Variants in ATP4A observed in about 807,000 individuals in gnomAD.
ATP4A encodes potassium-transporting ATPase alpha chain 1.
In ATP4A, 73 loss-of-function variants were observed where a neutral mutation model predicts 112.1. The ratio of observed to expected loss-of-function variants is 0.65; its 90% CI spans 0.54 to 0.79. The LOEUF (loss-of-function observed/expected upper bound fraction) is 0.79, where lower values mean the gene tolerates loss of function less well. Among genes scored for constraint, ATP4A ranks in the 30% least tolerant of loss-of-function variants. The probability of loss-of-function intolerance (pLI) is 0.00; values close to 1 mark genes in which losing one functional copy is unlikely to be tolerated. For synonymous variants in ATP4A, 588 were observed against 588.9 expected, an observed-to-expected ratio of 1.00 and a Z score of 0.02; for missense variants, 1,081 against 1,425.9, an observed-to-expected ratio of 0.76 and a Z score of 3.90.
intron 2 of ATP4A, 55 bp from the exon 3 acceptor site, chr19:35,563,323 C>T (rs1249763464): frequency 8.1e-6 from 13 of 1,613,340 alleles, no homozygotes; most frequent in African/African-American, 2.7e-5. Flanking sequence ...GCCCCCTCCC[C>T]GCCCACTGCC....
Position 35,554,990 on chromosome 19 carries a change from T to C in ATP4A, c.2413A>G (p.Ile805Val). The C allele has an allele frequency of 6.2e-7, 1 of 1,614,086 alleles. No homozygotes were observed. The highest frequency in any genetic ancestry group is 8.5e-7 in the Non-Finnish European group (1 of 1,180,012). The change falls in exon 16 of 22, where the codon ATC becomes GTC. Residue 805 changes from isoleucine (I) to valine (V), a missense_variant. By Grantham distance (29) the Ile-to-Val change is conservative. Coordinates refer to ENST00000262623, the MANE Select transcript of ATP4A (RefSeq NM_000704.3). ...IPELTPYLIY[I>V]TVSVPLPLGC... ...AGGGGCAGGGGCACGCTGACGGTGA[T>C]GTAGATGAGGTAGGGTGTCAGCTCT...
At chr19:35,552,919 G>A (rs188954996) in intron 18 of ATP4A, 118 bp downstream of exon 18, 2 of 1,338,440 alleles carry the variant, frequency 1.5e-6, no homozygotes, top group East Asian at 5.1e-5. Context: ...GAGTCTGGGG[G>A]TCCGGGATGC....
Position 35,555,501 on chromosome 19 carries a change from A to C in ATP4A, c.2096T>G (p.Met699Arg). The C allele has an allele frequency of 2.5e-6, 4 of 1,608,618 alleles. No homozygotes were observed. The highest frequency in any genetic ancestry group is 3.4e-6 in the Non-Finnish European group (4 of 1,176,678). ...CTGGGGGCTGGTGCGCGCAAACACC[A>C]TCTCGGGGTGGGTGCGCAGGGCCTC... ...LVEALRTHPEMVFARTSPQQK... is the reference protein window; with the variant it reads ...LVEALRTHPERVFARTSPQQK... Residue 699 changes from methionine (M) to arginine (R), a missense_variant, in exon 14 of 22, where the codon ATG becomes AGG. Coordinates refer to ENST00000262623, the MANE Select transcript of ATP4A (RefSeq NM_000704.3). This position sits in a 1 kb window ranked among gnomAD's most constrained non-coding sequence, Gnocchi z 6.6.
Position 35,551,324 on chromosome 19 carries a change from TGGCA to T in ATP4A, c.2885+119_2885+122del. The T allele has an allele frequency of 6.7e-7, 1 of 1,493,208 alleles. No homozygotes were observed. The highest frequency in any genetic ancestry group is 1.9e-5 in the Admixed American group (1 of 52,942). 92.5% of individuals were successfully genotyped at this position (1,493,208 alleles called of 1,614,324 possible). A position where few individuals can be genotyped will look rare whatever the true frequency, so the allele number is the denominator to read the frequency against. On this transcript the variant is annotated intron_variant, in intron 19 of 21. Transcript: ENST00000262623. This position sits in a 1 kb window ranked among gnomAD's most constrained non-coding sequence, Gnocchi z 5.2. ...TATTGGCCAGTTAGAAAGGTTTTTT[TGGCA>T]TGTCACCATCTGGCACTGGCACCCG... is the stretch of plus-strand genomic sequence containing the variant.
intron 3 of ATP4A, among the ~76,000 whole-genome samples, chr19:35,562,898 G>A (rs1464472014): frequency 6.7e-6 from 1 of 148,150 alleles, no homozygotes; most frequent in African/African-American, 2.5e-5. Flanking sequence ...TCTCTGTCTT[G>A]CTGTCTCTTT....
Position 35,560,190 on chromosome 19 carries a change from A to T in ATP4A, c.788-117T>A. ...TGGAGGATGTGACCTGGGAGAGGGT[A>T]GTGACAGTGGGAGACAGAGAAGCAG... On this transcript the variant is annotated intron_variant, in intron 6 of 21. Transcript: ENST00000262623. The surrounding 1 kb of genome is among the most constrained non-coding windows in gnomAD (Gnocchi z 5.1). 1.3e-6 allele frequency: 2 copies of T among 1,530,646 alleles called. No individual in the cohort carries two copies. The highest frequency in any genetic ancestry group is 1.8e-6 in the Non-Finnish European group (2 of 1,128,892). The allele number at this position is 1,530,646 out of a possible 1,614,324, so 94.8% of individuals were successfully genotyped here.
chr19:35,557,661 C>T lies in ATP4A; in HGVS notation c.1687G>A (p.Val563Met), dbSNP rs1279081161. Residue 563 changes from valine to methionine, a missense_variant, in exon 11 of 22, where the codon GTG becomes ATG. Coordinates refer to ENST00000262623, the MANE Select transcript of ATP4A (RefSeq NM_000704.3). This position sits in a 1 kb window ranked among gnomAD's most constrained non-coding sequence, Gnocchi z 4.4. ...CCCTGCCCAGGGGTCTCACCGAGCA[C>T]GCGTTCGCCCAGGCCTCCCAGGCTG... is the stretch of plus-strand genomic sequence containing the variant. ...YLSLGGLGER[V>M]LGFCQLYLNE... The T allele has an allele frequency of 1.2e-6, 2 of 1,606,212 alleles. No homozygotes were observed. Among genetic ancestry groups the T allele is most frequent in the African/African-American group, 1.3e-5 (1 of 74,798 alleles).
Position 35,550,586 on chromosome 19 carries a change from T to C in ATP4A, c.*29A>G. 6.2e-7 allele frequency: 1 copy of C among 1,613,392 alleles called. No individual in the cohort carries two copies. The highest frequency in any genetic ancestry group is 8.5e-7 in the Non-Finnish European group (1 of 1,179,484). ...CCCTGCCCCCACCTGCTGTGGCAGT[T>C]GCAGGGATGCTTGAAGGCAGTCGTC... is the stretch of plus-strand genomic sequence containing the variant. On this transcript the variant is annotated 3_prime_UTR_variant, in exon 22 of 22. Coordinates refer to ENST00000262623, the MANE Select transcript of ATP4A (RefSeq NM_000704.3). This position sits in a 1 kb window ranked among gnomAD's most constrained non-coding sequence, Gnocchi z 4.1.
rs778926439 is a variant in ATP4A at position 35,560,910 on chromosome 19, A to G, written c.443T>C (p.Ile148Thr). The change falls in exon 5 of 22, where the codon ATT becomes ACT. Residue 148 changes from isoleucine to threonine, a missense_variant. This residue lies in a region of ATP4A where 850 missense variants were observed against 1,068.2 expected (regional missense o/e 0.80). Coordinates refer to ENST00000262623, the MANE Select transcript of ATP4A (RefSeq NM_000704.3). The surrounding 1 kb of genome is among the most constrained non-coding windows in gnomAD (Gnocchi z 5.1). The stretch of plus-strand genomic sequence containing the variant: ...GCAGCCGGTGACGACAACCACAGCA[A>G]TGAGAGCGATTGCCAGGTACAGCTG... ...DDNLYLAIAL[I>T]AVVVVTGCFG... 71 of 1,613,840 alleles carry G rather than the reference A, an allele frequency of 4.4e-5. No homozygotes were observed. Among genetic ancestry groups the G allele is most frequent in the Middle Eastern group, 3.3e-4 (2 of 6,080 alleles).
At position 35,551,471 on chromosome 19, in the gene ATP4A, G is replaced by C; in HGVS notation, c.2861C>G (p.Ser954Cys). 1 of 1,614,170 alleles carries C rather than the reference G, an allele frequency of 6.2e-7. No individual in the cohort carries two copies. Among genetic ancestry groups the C allele is most frequent in the Non-Finnish European group, 8.5e-7 (1 of 1,180,020 alleles). ...DVLIRKTRRL[S>C]AFQQGFFRNK... ...CCTGAAGAAGCCTTGCTGGAAGGCA[G>C]AGAGACGGCGCGTCTTGCGGATGAG... is the stretch of plus-strand genomic sequence containing the variant. The change falls in exon 19 of 22, where the codon TCT becomes TGT. Residue 954 changes from serine (S) to cysteine (C), a missense_variant. Physicochemically the swap from Ser to Cys is moderately radical, Grantham distance 112 (BLOSUM62 -1). Transcript: ENST00000262623. The surrounding 1 kb of genome is among the most constrained non-coding windows in gnomAD (Gnocchi z 5.2).
rs533814673 is a variant in ATP4A, at chr19:35,561,048, C to G, written c.421-116G>C. The G allele has an allele frequency of 3.7e-6, 3 of 808,988 alleles. No homozygotes were observed. In the African/African-American group the frequency reaches 5.1e-5, roughly 14 times the overall value. The allele number at this position is 808,988 out of a possible 1,614,324, so 50.1% of individuals were successfully genotyped here. ...TGGTTTTCCCCATGCTTTTCCCCAC[C>G]TACTAGGAAGCTCCATGCACCATTC... On this transcript the variant is annotated intron_variant, in intron 4 of 21. Coordinates refer to ENST00000262623, the MANE Select transcript of ATP4A (RefSeq NM_000704.3).
In ATP4A at chr19:35,550,467, T is replaced by G. The variant is rs2146304979; in HGVS notation, c.*148A>C. The G allele has an allele frequency of 2.9e-6, 3 of 1,048,886 alleles. No homozygotes were observed. Among genetic ancestry groups the G allele is most frequent in the Non-Finnish European group, 4.2e-6 (3 of 720,840 alleles). The allele number at this position is 1,048,886 out of a possible 1,614,324, so 65.0% of individuals were successfully genotyped here. Reference sequence around the variant, plus strand: ...AGGGGAGTGGGCAGGTCCCTCCAAGTTTGGGGTGCCGTGGGCTACAGAAGC... The same window carrying G: ...AGGGGAGTGGGCAGGTCCCTCCAAGGTTGGGGTGCCGTGGGCTACAGAAGC... On this transcript the variant is annotated 3_prime_UTR_variant, in exon 22 of 22. Transcript: ENST00000262623. This position sits in a 1 kb window ranked among gnomAD's most constrained non-coding sequence, Gnocchi z 4.1.
rs151252026 is a variant in ATP4A, at chr19:35,561,795, C to T, written c.420+640G>A. On this transcript the variant is annotated intron_variant, in intron 4 of 21. Transcript: ENST00000262623. ...TCCCAGGGTCTCCTATTCCCCGTGC[C>T]TCAGTCTGTCCTGTGTCTGCACTGC... is the stretch of plus-strand genomic sequence containing the variant. Among the ~76,000 whole-genome samples, 1,015 of 151,582 alleles carry T rather than the reference C, an allele frequency of 6.7e-3. 13 individuals carry two copies. The highest frequency in any genetic ancestry group is 0.023 in the African/African-American group (961 of 41,274).
At position 35,555,767 on chromosome 19, in the gene ATP4A, C is replaced by T. The variant is rs2071628189; in HGVS notation, c.1915G>A (p.Ala639Thr). 6.2e-7 allele frequency: 1 copy of T among 1,613,900 alleles called. No individual in the cohort carries two copies. Among genetic ancestry groups the T allele is most frequent in the Non-Finnish European group, 8.5e-7 (1 of 1,179,794 alleles). Residue 639 changes from alanine (A) to threonine (T), a missense_variant, in exon 13 of 22, where the codon GCA (alanine) becomes ACA (threonine). By Grantham distance (58) the Ala-to-Thr change is moderately conservative (BLOSUM62 0). Transcript: ENST00000262623. The surrounding 1 kb of genome is among the most constrained non-coding windows in gnomAD (Gnocchi z 6.6). ...TCCGAGATGATGCCCACACTGGCTGCAATGGCCTTGGCGGTGATGGGGTGG... is the reference window on the plus strand; with the variant it reads ...TCCGAGATGATGCCCACACTGGCTGTAATGGCCTTGGCGGTGATGGGGTGG... ...GDHPITAKAI[A>T]ASVGIISEGS...
rs766489037 is a variant in ATP4A at position 35,558,368 on chromosome 19, CTTG to C, written c.1491_1493del (p.Asn497del). The C allele has an allele frequency of 1.7e-5, 27 of 1,610,382 alleles. No individual in the cohort carries two copies. The highest frequency in any genetic ancestry group is 2.0e-5 in the Non-Finnish European group (23 of 1,178,532). On this transcript the variant is annotated inframe_deletion, in exon 10 of 22. Coordinates refer to ENST00000262623, the MANE Select transcript of ATP4A (RefSeq NM_000704.3). The surrounding 1 kb of genome is among the most constrained non-coding windows in gnomAD (Gnocchi z 5.1). The stretch of plus-strand genomic sequence containing the variant: ...GGCGGGGCCGGCTGCGCACCTGGAA[CTTG>C]TTGGTGGAGTTGAAGGGTATCTCGC...
Position 35,555,906 on chromosome 19 carries a change from A to C in ATP4A, c.1870-94T>G. 1 of 1,502,330 alleles carries C rather than the reference A, an allele frequency of 6.7e-7. No homozygotes were observed. Among genetic ancestry groups the C allele is most frequent in the Non-Finnish European group, 8.9e-7 (1 of 1,121,118 alleles). 93.1% of individuals were successfully genotyped at this position (1,502,330 alleles called of 1,614,324 possible). A position where few individuals can be genotyped will look rare whatever the true frequency, so the allele number is the denominator to read the frequency against. On this transcript the variant is annotated intron_variant, in intron 12 of 21. Transcript: ENST00000262623. This position sits in a 1 kb window ranked among gnomAD's most constrained non-coding sequence, Gnocchi z 6.6. Reference sequence around the variant, plus strand: ...CATCTGCTGATACACGTGTTCATTTACTTGACCAAGCGTGACCACCTCCTA... The same window carrying C: ...CATCTGCTGATACACGTGTTCATTTCCTTGACCAAGCGTGACCACCTCCTA...
chr19:35,550,392 G>A lies in ATP4A; in HGVS notation c.*223C>T, dbSNP rs1384105482. 9.9e-6 allele frequency: 6 copies of A among 608,768 alleles called. No homozygotes were observed. Among genetic ancestry groups the A allele is most frequent in the South Asian group, 6.0e-5 (3 of 50,360 alleles). 37.7% of individuals were successfully genotyped at this position (608,768 alleles called of 1,614,324 possible). A position where few individuals can be genotyped will look rare whatever the true frequency, so the allele number is the denominator to read the frequency against. On this transcript the variant is annotated 3_prime_UTR_variant, in exon 22 of 22. Transcript: ENST00000262623. This position sits in a 1 kb window ranked among gnomAD's most constrained non-coding sequence, Gnocchi z 4.1. ...CGGCTTTCCCGAGGCCAGCCCAGAGGACTGCCCAGGCGCTGCTGCTCCAGG... is the reference window on the plus strand; with the variant it reads ...CGGCTTTCCCGAGGCCAGCCCAGAGAACTGCCCAGGCGCTGCTGCTCCAGG...
At chr19:35,554,565 A>C (rs2071619474) in intron 16 of ATP4A, among the ~76,000 whole-genome samples, 3 of 151,960 alleles carry the variant, frequency 2.0e-5, no homozygotes, top group African/African-American at 4.8e-5. Flanking sequence ...CATGGGGTCT[A>C]TCTGAGGGGG....
At chr19:35,553,956 A>G in intron 16 of ATP4A, 127 bp from the exon 17 acceptor site, 1 of 1,358,588 alleles carries the variant, frequency 7.4e-7, no homozygotes, top group Non-Finnish European at 9.8e-7. Flanking sequence ...ACCTGCAGGG[A>G]CGGCACAGCC....
Sources: gnomAD v4.1 joint callset for allele counts (sites outside exome capture counted in the v4.1 genomes callset) on GRCh38, gnomAD v4.1.1 for gene constraint, gnomAD v4.1.1 regional missense constraint, Gnocchi (gnomAD v3.1) non-coding constraint, MANE v1.5 for transcripts, NCBI Gene and HGNC (gene_info 2026-07-23, HGNC 2026-07-21) for gene names.